SIN3A: variants seen among roughly 807,000 people sequenced by gnomAD.
SIN3A encodes paired amphipathic helix protein Sin3a.
Under a neutral mutation model 146.1 loss-of-function variants are expected in SIN3A, and 14 were observed. That is an observed-to-expected ratio of 0.10 (90% CI 0.06 to 0.15). SIN3A has a LOEUF of 0.15. SIN3A is among the 10% of genes least tolerant of loss of function. The pLI is 1.00. For missense variants in SIN3A, 1,028 were observed against 1,576.0 expected, an observed-to-expected ratio of 0.65 and a Z score of 5.89; for synonymous variants, 572 against 572.0, an observed-to-expected ratio of 1.00 and a Z score of 0.00.
intron 1 of SIN3A, among the ~76,000 whole-genome samples, chr15:75,450,055 C>CA (rs1476569701): frequency 1.3e-5 from 2 of 152,138 alleles, no homozygotes; most frequent in Non-Finnish European, 2.9e-5. Context: ...GCTAGGATTA[C>CA]AGGCATGAGC....
intron 20 of SIN3A, among the ~76,000 whole-genome samples, chr15:75,374,061 A>C (rs1276519268): frequency 1.3e-5 from 2 of 152,238 alleles, no homozygotes; most frequent in African/African-American, 4.8e-5. Flanking sequence ...TCCTATTAAC[A>C]GGTGAGCCCC....
At chr15:75,454,744 G>A (rs2074464345), upstream of SIN3A, among the ~76,000 whole-genome samples, 1 of 151,896 alleles carries the variant, frequency 6.6e-6, no homozygotes, top group East Asian at 2.0e-4. Context: ...CGGGAAGGGG[G>A]AGCCCGGCGG....
At chr15:75,393,577 G>A (rs985050310) in intron 14 of SIN3A, among the ~76,000 whole-genome samples, 4 of 152,176 alleles carry the variant, frequency 2.6e-5, no homozygotes, top group South Asian at 2.1e-4. Context: ...GTTTCACCAT[G>A]TCGGCCAGGC....
intron 18 of SIN3A, 25 bp from the exon 19 acceptor site, chr15:75,380,748 G>A: frequency 6.4e-7 from 1 of 1,567,484 alleles, no homozygotes. Context: ...ACAAAATACA[G>A]GTGGAAGGAA....
Position 75,409,831 on chromosome 15 carries a change from C to G in SIN3A, c.1317+5G>C. 6.2e-7 allele frequency: 1 copy of G among 1,611,880 alleles called. No homozygotes were observed. The highest frequency in any genetic ancestry group is 8.5e-7 in the Non-Finnish European group (1 of 1,179,648). The stretch of plus-strand genomic sequence containing the variant: ...TCAAAATGAGCAGCTGCTGCCCATT[C>G]TCACCTTAACTGGAGGGGTGGTTCC... On this transcript the variant is annotated splice_donor_5th_base_variant and intron_variant, in intron 8 of 20. Transcript: ENST00000394947.
intron 17 of SIN3A, among the ~76,000 whole-genome samples, chr15:75,382,538 A>G (rs1344703233): frequency 6.6e-6 from 1 of 152,216 alleles, no homozygotes; most frequent in African/African-American, 2.4e-5. Context: ...AAAAATTGGA[A>G]ACAACCTAAA....
intron 1 of SIN3A, among the ~76,000 whole-genome samples, chr15:75,439,031 A>G (rs955931940): frequency 1.3e-5 from 2 of 152,218 alleles, no homozygotes; most frequent in African/African-American, 4.8e-5. Flanking sequence ...GCTCTTCTCA[A>G]AAGACACCAT....
intron 2 of SIN3A, among the ~76,000 whole-genome samples, chr15:75,426,541 G>A (rs183477038): frequency 4.3e-4 from 66 of 152,314 alleles, no homozygotes; most frequent in Admixed American, 4.2e-3. Context: ...CCCCAGACCA[G>A]TTATATGCTG....
At chr15:75,374,353 G>A (rs192051636) in intron 20 of SIN3A, among the ~76,000 whole-genome samples, 3 of 152,308 alleles carry the variant, frequency 2.0e-5, no homozygotes, top group Non-Finnish European at 4.4e-5. Flanking sequence ...AAATCAGCCA[G>A]GCATGGTTTG....
upstream of SIN3A, among the ~76,000 whole-genome samples, chr15:75,454,220 G>A (rs1001356897): frequency 2.6e-5 from 4 of 152,178 alleles, no homozygotes; most frequent in Non-Finnish European, 5.9e-5. Context: ...CGGAGCTCGG[G>A]AGAATGTCAT....
At chr15:75,447,035 G>A (rs963203152) in intron 1 of SIN3A, among the ~76,000 whole-genome samples, 3 of 152,160 alleles carry the variant, frequency 2.0e-5, no homozygotes, top group Non-Finnish European at 4.4e-5. Flanking sequence ...CCAAAGTGCT[G>A]GTATTACAGG....
intron 18 of SIN3A, 97 bp from the exon 19 acceptor site, chr15:75,380,820 G>A (rs533122953): frequency 1.9e-4 from 149 of 805,048 alleles, no homozygotes; most frequent in South Asian, 2.6e-4. Context: ...ACAATGCCCC[G>A]AATTCATAAA....
At position 75,392,471 on chromosome 15, in the gene SIN3A, T is replaced by C. The variant is rs1431436983; in HGVS notation, c.2622A>G (p.Gln874=). 1.2e-5 allele frequency: 20 copies of C among 1,614,240 alleles called. No homozygotes were observed. Among genetic ancestry groups the C allele is most frequent in the South Asian group, 4.4e-5 (4 of 91,086 alleles). The change falls in exon 15 of 21, where the codon CAA becomes CAG. Residue 874 remains glutamine (Q), a synonymous_variant. Coordinates refer to ENST00000394947, the MANE Select transcript of SIN3A (RefSeq NM_001145358.2). ...SKLLFSNTAA[Q]KLRGMDEVYN... is the part of the protein sequence containing the mutation. ...ATACTTCATCCATTCCTCTTAATTT[T>C]TGAGCTGCTGTGTTACTAAACAGTA...
intron 3 of SIN3A, chr15:75,420,752 CTG>C (rs1393609385): frequency 3.9e-5 from 6 of 152,178 alleles, no homozygotes; most frequent in Non-Finnish European, 8.8e-5. Context: ...CATTTTAAGA[CTG>C]ATCCAAAAAT....
intron 19 of SIN3A, among the ~76,000 whole-genome samples, chr15:75,379,282 T>G (rs1004866225): frequency 2.0e-5 from 3 of 152,170 alleles, no homozygotes; most frequent in Admixed American, 6.5e-5. Context: ...ACTAGTATAA[T>G]CCATATAAAC....
At chr15:75,455,457 C>T (rs1349108299), upstream of SIN3A, among the ~76,000 whole-genome samples, 1 of 152,222 alleles carries the variant, frequency 6.6e-6, no homozygotes, top group East Asian at 1.9e-4. Context: ...CTCCAGTCCG[C>T]CGCCAAAACC....
chr15:75,385,147 C>T (rs957121476), intron 16 of SIN3A, among the ~76,000 whole-genome samples: 3 of 152,078 alleles, frequency 2.0e-5, no homozygotes, highest in Non-Finnish European at 4.4e-5. Flanking sequence ...CAAAGCTCAC[C>T]GTGAGCTGGG....
chr15:75,440,237 G>GTT (rs556673520), intron 1 of SIN3A, among the ~76,000 whole-genome samples: 1 of 144,074 alleles, frequency 6.9e-6, no homozygotes, highest in Non-Finnish European at 1.5e-5. Context: ...TAGCAAATTT[G>GTT]TTTTTTTTTT....
At chr15:75,413,127 T>C (rs965297785) in intron 4 of SIN3A, 82 bp from the exon 5 acceptor site, 1 of 1,391,964 alleles carries the variant, frequency 7.2e-7, no homozygotes, top group African/African-American at 1.5e-5. Context: ...TTTTTTTTTC[T>C]TTTGAGACGG....
Sources: allele counts gnomAD v4.1 joint callset (sites outside exome capture counted in the v4.1 genomes callset), GRCh38; gene constraint gnomAD v4.1.1; transcripts MANE v1.5; gene names NCBI Gene and HGNC (gene_info 2026-07-23, HGNC 2026-07-21).